Variants in ACOT1 observed in about 807,000 individuals in gnomAD.
ACOT1 encodes the protein acyl-coenzyme A thioesterase 1.
In ACOT1, 8 loss-of-function variants were observed where a neutral mutation model predicts 15.7. The ratio of observed to expected loss-of-function variants is 0.51; its 90% CI spans 0.30 to 0.92. The LOEUF (loss-of-function observed/expected upper bound fraction) is 0.92. Ranked by LOEUF, ACOT1 falls within the 40% of genes least tolerant of loss-of-function variation. The pLI is 0.06. For missense variants in ACOT1, 151 were observed against 539.4 expected (o/e 0.28, Z 7.13); for synonymous variants, 67 against 241.2 (o/e 0.28, Z 6.69).
the ACOT1 span, among the ~76,000 whole-genome samples, chr14:73,509,968 G>A: frequency 6.7e-6 from 1 of 149,018 alleles, no homozygotes; most frequent in African/African-American, 2.5e-5. Flanking sequence ...CCGCCTCCTG[G>A]GTTCACACCA....
the ACOT1 span, chr14:73,498,030 G>A: frequency 3.7e-3 from 3,022 of 807,820 alleles, 12 homozygotes; most frequent in Non-Finnish European, 4.8e-3. Context: ...AGTGGTGAAT[G>A]TGCAGGTGAA....
the ACOT1 span, among the ~76,000 whole-genome samples, chr14:73,514,455 G>T: frequency 6.6e-6 from 1 of 152,086 alleles, no homozygotes; most frequent in Non-Finnish European, 1.5e-5. Flanking sequence ...GATGATGGGG[G>T]TGAGAGATTT....
At chr14:73,524,310 A>AAAAAAAAAATAT in the ACOT1 span, among the ~76,000 whole-genome samples, 12 of 54,776 alleles carry the variant, frequency 2.2e-4, no homozygotes, top group Non-Finnish European at 2.8e-4. Flanking sequence ...AAAAAAAAAA[A>AAAAAAAAAATAT]ATATATATAT....
Position 73,543,030 on chromosome 14 carries a change from T to G in ACOT1, c.661-20T>G. On this transcript the variant is annotated intron_variant, in intron 2 of 2. Coordinates refer to ENST00000311148, the MANE Select transcript of ACOT1 (RefSeq NM_001037161.2). ...GTTTGTGGAGCCATTCTTCTTCTTT[T>G]TCCTTTGTCCCTTTCTCAGGTAAAA... The G allele has an allele frequency of 2.4e-6, 3 of 1,262,148 alleles. 1 individual carries two copies. Among genetic ancestry groups the G allele is most frequent in the Non-Finnish European group, 3.2e-6 (3 of 942,618 alleles). 78.2% of individuals were successfully genotyped at this position (1,262,148 alleles called of 1,614,324 possible). A position where few individuals can be genotyped will look rare whatever the true frequency, so the allele number is the denominator to read the frequency against.
chr14:73,538,231 G>A lies in ACOT1; in HGVS notation c.457+353G>A, dbSNP rs1217800186. On this transcript the variant is annotated intron_variant, in intron 1 of 2. Transcript: ENST00000311148. ...TCCAACATTCCGGAGGTTAGTGTAA[G>A]GAGACAGGAATGGAATGGAAAGTTG... 4.4e-5 allele frequency among the ~76,000 whole-genome samples: 5 copies of A among 114,754 alleles called. 2 individuals carry two copies. Among genetic ancestry groups the A allele is most frequent in the African/African-American group, 1.4e-4 (5 of 35,190 alleles). The allele number at this position is 114,754 out of a possible 152,430, so 75.3% of individuals were successfully genotyped here.
chr14:73,529,583 T>TTTA, the ACOT1 span, among the ~76,000 whole-genome samples: 1 of 152,038 alleles, frequency 6.6e-6, no homozygotes, highest in Non-Finnish European at 1.5e-5. Flanking sequence ...CTGCCTCTAA[T>TTTA]ATTTTATGAA....
At chr14:73,499,363 C>T in the ACOT1 span, among the ~76,000 whole-genome samples, 1 of 152,128 alleles carries the variant, frequency 6.6e-6, no homozygotes. Context: ...CGCCTGTAAT[C>T]CCAGCTACTC....
chr14:73,500,530 AAT>A, the ACOT1 span: 1 of 1,608,546 alleles, frequency 6.2e-7, no homozygotes, highest in East Asian at 2.2e-5. Flanking sequence ...GTAAGATGAG[AAT>A]ATGTTTCCCT....
the ACOT1 span, chr14:73,493,339 GTTA>G: frequency 3.9e-6 from 2 of 511,178 alleles, no homozygotes; most frequent in Admixed American, 3.7e-5. Context: ...TATCCTGTTT[GTTA>G]TTGTTAAATT....
the ACOT1 span, among the ~76,000 whole-genome samples, chr14:73,501,996 C>T: frequency 1.3e-5 from 2 of 151,580 alleles, no homozygotes; most frequent in Non-Finnish European, 2.9e-5. Context: ...CCACCCGCCT[C>T]GGCCTCCCAA....
At chr14:73,533,051 G>A (rs1287196974), upstream of ACOT1, among the ~76,000 whole-genome samples, 1 of 115,384 alleles carries the variant, frequency 8.7e-6, no homozygotes, top group African/African-American at 2.8e-5. Flanking sequence ...TTTGAGCCCA[G>A]GAGTTTGAGG....
chr14:73,523,279 GC>G, the ACOT1 span: 1 of 858,416 alleles, frequency 1.2e-6, no homozygotes, highest in Non-Finnish European at 1.7e-6. Context: ...GAAATTGGTA[GC>G]CCATAGCAGT....
chr14:73,511,514 G>A, the ACOT1 span, among the ~76,000 whole-genome samples: 16 of 145,272 alleles, frequency 1.1e-4, no homozygotes, highest in Non-Finnish European at 2.4e-4. Flanking sequence ...GCAAGACTCT[G>A]TCTCAAAAAT....
At chr14:73,506,387 C>T in the ACOT1 span, 40 of 927,446 alleles carry the variant, frequency 4.3e-5, no homozygotes, top group Non-Finnish European at 6.0e-5. Flanking sequence ...TGGAATAATA[C>T]ATAGCAGCAA....
At chr14:73,507,551 A>C in the ACOT1 span, among the ~76,000 whole-genome samples, 1 of 152,050 alleles carries the variant, frequency 6.6e-6, no homozygotes, top group Admixed American at 6.6e-5. Flanking sequence ...CTCCCACCTC[A>C]GCCTCTTGAG....
At chr14:73,491,551 G>A in the ACOT1 span, 7 of 1,535,220 alleles carry the variant, frequency 4.6e-6, no homozygotes, top group African/African-American at 2.7e-5. Flanking sequence ...CGGGTGGGGA[G>A]CCGGCCTGGG....
chr14:73,513,141 C>G, the ACOT1 span, among the ~76,000 whole-genome samples: 1 of 152,184 alleles, frequency 6.6e-6, no homozygotes, highest in Non-Finnish European at 1.5e-5. Context: ...ACATCATTTG[C>G]TGAGCATAAA....
At chr14:73,523,223 A>G in the ACOT1 span, 1 of 1,434,644 alleles carries the variant, frequency 7.0e-7, no homozygotes, top group Non-Finnish European at 9.3e-7. Context: ...GAGACCTGGC[A>G]CCTGTTAAGG....
chr14:73,492,705 G>A, the ACOT1 span: 1 of 1,613,940 alleles, frequency 6.2e-7, no homozygotes, highest in Non-Finnish European at 8.5e-7. The surrounding 1 kb of genome is among the most constrained non-coding windows in gnomAD (Gnocchi z 4.9). Flanking sequence ...GGTGAGGGGG[G>A]CCATTTGTTT....
Sources: gnomAD v4.1 joint callset for allele counts (sites outside exome capture counted in the v4.1 genomes callset) on GRCh38, gnomAD v4.1.1 for gene constraint, Gnocchi (gnomAD v3.1) non-coding constraint, MANE v1.5 for transcripts, NCBI Gene and HGNC (gene_info 2026-07-23, HGNC 2026-07-21) for gene names.